DSCAM: variants seen among roughly 807,000 people sequenced by gnomAD.
DSCAM encodes cell adhesion molecule DSCAM.
In DSCAM, 47 loss-of-function variants were observed where a neutral mutation model predicts 217.7. That is an observed-to-expected ratio of 0.22 (90% CI 0.17 to 0.28). The LOEUF (loss-of-function observed/expected upper bound fraction) is 0.28, where lower values mean the gene tolerates loss of function less well. Among genes scored for constraint, DSCAM ranks in the 10% least tolerant of loss-of-function variants. The pLI, the probability that DSCAM is intolerant of heterozygous loss-of-function variation, is 1.00. For missense variants in DSCAM, 2,080 were observed against 2,618.3 expected (o/e 0.79, Z 4.49); for synonymous variants, 1,056 against 1,015.3 (o/e 1.04, Z -0.76).
chr21:40,129,451 G>A (rs1180621494), intron 19 of DSCAM, among the ~76,000 whole-genome samples: 1 of 152,142 alleles, frequency 6.6e-6, no homozygotes, highest in African/African-American at 2.4e-5. Context: ...AGTGGAAGTG[G>A]GGTGGCTCTT....
At chr21:40,074,443 T>C (rs752445913) in intron 27 of DSCAM, among the ~76,000 whole-genome samples, 3 of 152,182 alleles carry the variant, frequency 2.0e-5, no homozygotes, top group Non-Finnish European at 4.4e-5. Context: ...AACAGCCTCA[T>C]CACAGAACGA....
In DSCAM at chr21:40,451,053, T is replaced by G. The variant is rs550097806; in HGVS notation, c.509-81808A>C. Among the ~76,000 whole-genome samples, 174 of 152,292 alleles carry G rather than the reference T, an allele frequency of 1.1e-3. 1 individual carries two copies. The highest frequency in any genetic ancestry group is 2.2e-3 in the Non-Finnish European group (153 of 68,038). ...TCAAGGGCAGGCCTACAAATAAGCA[T>G]GCACGTCAGTGGAGTTGGGGGCAGG... On this transcript the variant is annotated intron_variant, in intron 3 of 32. Transcript: ENST00000400454.
chr21:40,385,424 T>C (rs2075074024), intron 3 of DSCAM: 1 of 152,242 alleles, frequency 6.6e-6, no homozygotes. Context: ...GTTCATTAAA[T>C]GTTTGTCAAA....
rs971231796 is a variant in DSCAM at position 40,500,218 on chromosome 21, T to C, written c.509-130973A>G. On this transcript the variant is annotated intron_variant, in intron 3 of 32. Coordinates refer to ENST00000400454, the MANE Select transcript of DSCAM (RefSeq NM_001389.5). ...GCCTTTTTCCTAAATATTTATGAAA[T>C]AGTTTCTAAATATTTTGTTTTTTAA... Among the ~76,000 whole-genome samples, 10 of 152,340 alleles carry C rather than the reference T, an allele frequency of 6.6e-5. No individual in the cohort carries two copies. The East Asian group carries it at 1.9e-3, about 29-fold the overall frequency.
rs1385098606 is a variant in DSCAM, at chr21:40,613,252, T to G, written c.508+79558A>C. Among the ~76,000 whole-genome samples, 3 of 152,208 alleles carry G rather than the reference T, an allele frequency of 2.0e-5. No individual in the cohort carries two copies. In the East Asian group the frequency reaches 5.8e-4, roughly 29 times the overall value. ...TGTTTTAAATAGGAACAAACATTAT[T>G]AATGGCAAATAGGGAAAAGTGTTCC... On this transcript the variant is annotated intron_variant, in intron 3 of 32. Coordinates refer to ENST00000400454, the MANE Select transcript of DSCAM (RefSeq NM_001389.5).
chr21:40,084,572 G>A (rs1446283969), intron 23 of DSCAM, among the ~76,000 whole-genome samples: 1 of 145,950 alleles, frequency 6.9e-6, no homozygotes, highest in East Asian at 2.1e-4. Context: ...TCAAAAGCAG[G>A]CCTTTGAACT....
At chr21:40,276,419 C>A in intron 10 of DSCAM, 149 bp from the exon 11 acceptor site, 1 of 569,668 alleles carries the variant, frequency 1.8e-6, no homozygotes, top group Non-Finnish European at 2.7e-6. Context: ...TCTTTCTTTC[C>A]TCCAGTATTA....
At chr21:40,821,043 C>CAT (rs1419459359) in intron 1 of DSCAM, among the ~76,000 whole-genome samples, 1 of 147,762 alleles carries the variant, frequency 6.8e-6, no homozygotes, top group Admixed American at 6.9e-5. Flanking sequence ...TATATCTTCA[C>CAT]ATATATATAG....
intron 20 of DSCAM, among the ~76,000 whole-genome samples, chr21:40,097,872 C>T (rs1481044265): frequency 2.1e-5 from 3 of 144,278 alleles, no homozygotes; most frequent in East Asian, 2.2e-4. Flanking sequence ...ACCCAGGAGG[C>T]GGAGCTTGCA....
chr21:40,723,782 T>A (rs902064291), intron 1 of DSCAM, among the ~76,000 whole-genome samples: 2 of 152,168 alleles, frequency 1.3e-5, no homozygotes, highest in African/African-American at 4.8e-5. Flanking sequence ...GATGAGTGGC[T>A]GACAAAAAGA....
Position 40,714,520 on chromosome 21 carries a change from T to G in DSCAM, c.44-5749A>C, listed in dbSNP as rs151194018. Among the ~76,000 whole-genome samples, 499 of 152,262 alleles carry G rather than the reference T, an allele frequency of 3.3e-3. 2 individuals carry two copies. The highest frequency in any genetic ancestry group is 0.011 in the African/African-American group (475 of 41,554). ...ACTTAAGGTTGTTTTCTCTGTTGGG[T>G]TTTAGATTTACTTGAAACCTGTTAC... On this transcript the variant is annotated intron_variant, in intron 1 of 32. Transcript: ENST00000400454.
intron 9 of DSCAM, among the ~76,000 whole-genome samples, chr21:40,297,911 G>A (rs941046744): frequency 7.9e-5 from 12 of 152,144 alleles, no homozygotes; most frequent in Admixed American, 2.6e-4. Flanking sequence ...CTGTAAAATG[G>A]CTCTTGGTCT....
At chr21:40,156,403 T>G (rs1267318031) in intron 16 of DSCAM, among the ~76,000 whole-genome samples, 1 of 151,822 alleles carries the variant, frequency 6.6e-6, no homozygotes. Context: ...CCTTTGTCAT[T>G]TTTGCTAAGT....
chr21:40,827,146 T>C (rs1392733620), intron 1 of DSCAM, among the ~76,000 whole-genome samples: 2 of 150,486 alleles, frequency 1.3e-5, no homozygotes, highest in African/African-American at 2.4e-5. Flanking sequence ...ACCCAGAGAG[T>C]GAGGTGTGCA....
chr21:40,438,353 G>A (rs2075601867), intron 3 of DSCAM, among the ~76,000 whole-genome samples: 1 of 152,196 alleles, frequency 6.6e-6, no homozygotes, highest in Admixed American at 6.5e-5. Flanking sequence ...TATCTTGGAG[G>A]TCTAGAACAG....
Position 40,780,423 on chromosome 21 carries a change from G to GTGTGTGTATATATATATATATA in DSCAM, c.43+66195_43+66196insTATATATATATATATACACACA, listed in dbSNP as rs1007015659. Among the ~76,000 whole-genome samples, 131 of 56,330 alleles carry GTGTGTGTATATATATATATATA rather than the reference G, an allele frequency of 2.3e-3. 1 individual carries two copies. Among genetic ancestry groups the GTGTGTGTATATATATATATATA allele is most frequent in the African/African-American group, 7.1e-3 (93 of 13,012 alleles). 37.0% of individuals were successfully genotyped at this position (56,330 alleles called of 152,430 possible). A position where few individuals can be genotyped will look rare whatever the true frequency, so the allele number is the denominator to read the frequency against. ...CGTGTGTGTGTGTGTGTGTGTGTGT[G>GTGTGTGTATATATATATATATA]TATATATATATATATATATATATAT... On this transcript the variant is annotated intron_variant, in intron 1 of 32. Coordinates refer to ENST00000400454, the MANE Select transcript of DSCAM (RefSeq NM_001389.5).
chr21:40,054,117 T>C (rs1228971660), intron 29 of DSCAM, among the ~76,000 whole-genome samples: 7 of 152,224 alleles, frequency 4.6e-5, no homozygotes, highest in Admixed American at 4.6e-4. Flanking sequence ...TCAGTTTTAA[T>C]GCCCAATCTA....
intron 1 of DSCAM, among the ~76,000 whole-genome samples, chr21:40,721,934 T>G (rs764961707): frequency 1.8e-4 from 27 of 152,042 alleles, no homozygotes; most frequent in Non-Finnish European, 3.7e-4. Context: ...AATAAATACA[T>G]GTTATATTTA....
At chr21:40,398,099 GC>G (rs2075198499) in intron 3 of DSCAM, among the ~76,000 whole-genome samples, 2 of 152,138 alleles carry the variant, frequency 1.3e-5, no homozygotes, top group Admixed American at 1.3e-4. Context: ...GATTCTGCTG[GC>G]TATTGCTGAA....
Sources: allele counts gnomAD v4.1 joint callset (sites outside exome capture counted in the v4.1 genomes callset), GRCh38; gene constraint gnomAD v4.1.1; transcripts MANE v1.5; gene names NCBI Gene and HGNC (gene_info 2026-07-23, HGNC 2026-07-21).